The following CALN1 variants were observed in gnomAD, a reference collection of about 807,000 sequenced individuals.
CALN1 encodes the protein calneuron 1, also known as calcium-binding protein 8.
Under a neutral mutation model 30.6 loss-of-function variants are expected in CALN1, and 17 were observed. The observed-to-expected ratio is 0.56, with a 90% CI of 0.38 to 0.83. The LOEUF (loss-of-function observed/expected upper bound fraction) is 0.83. CALN1 is among the 40% of genes least tolerant of loss of function. The pLI is 0.00. For missense variants in CALN1, 291 were observed against 354.9 expected (o/e 0.82, Z 1.45); for synonymous variants, 156 against 131.4 (o/e 1.19, Z -1.28).
intron 5 of CALN1, among the ~76,000 whole-genome samples, chr7:71,814,407 G>A (rs1232662738): frequency 6.6e-6 from 1 of 152,146 alleles, no homozygotes; most frequent in African/African-American, 2.4e-5. Context: ...GCTTGAGTCT[G>A]GTGTTATAAC....
chr7:72,426,749 CT>C (rs1016269686), intron 1 of CALN1, among the ~76,000 whole-genome samples: 4 of 152,176 alleles, frequency 2.6e-5, no homozygotes, highest in Non-Finnish European at 5.9e-5. Flanking sequence ...GGAGTGGTCT[CT>C]TAGGAAGCAC....
chr7:72,392,843 AAATT>A (rs905411481), intron 2 of CALN1, among the ~76,000 whole-genome samples: 5 of 151,444 alleles, frequency 3.3e-5, no homozygotes, highest in African/African-American at 7.3e-5. Context: ...ATTAAAAAAA[AAATT>A]AATTAGCCAG....
intron 1 of CALN1, among the ~76,000 whole-genome samples, chr7:72,427,174 G>A (rs1807823683): frequency 6.6e-6 from 1 of 152,010 alleles, no homozygotes; most frequent in Admixed American, 6.6e-5. Context: ...TTGTAGAGAT[G>A]GGGCTTTGCC....
At chr7:72,201,263 T>C (rs1791394486) in intron 3 of CALN1, among the ~76,000 whole-genome samples, 2 of 152,160 alleles carry the variant, frequency 1.3e-5, no homozygotes, top group African/African-American at 2.4e-5. Flanking sequence ...CAAGAGATAC[T>C]GGAGACTACT....
rs187091942 is a variant in CALN1 at position 72,346,479 on chromosome 7, A to G, written c.119+56772T>C. Among the ~76,000 whole-genome samples the G allele has an allele frequency of 1.3e-4, 20 of 152,236 alleles. No homozygotes were observed. The East Asian group carries it at 3.9e-3, about 29-fold the overall frequency. The stretch of plus-strand genomic sequence containing the variant: ...ACATTCTGTCCTGATTCTCCCATAT[A>G]TAATTTTTAATTTGATCTCCATTCA... On this transcript the variant is annotated intron_variant, in intron 2 of 6. Coordinates refer to ENST00000395275, the MANE Select transcript of CALN1 (RefSeq NM_031468.4).
At chr7:72,159,354 A>C (rs2129544717) in intron 3 of CALN1, among the ~76,000 whole-genome samples, 1 of 152,296 alleles carries the variant, frequency 6.6e-6, no homozygotes, top group African/African-American at 2.4e-5. Flanking sequence ...TTTAAAAATT[A>C]GCCAGGCATG....
At chr7:71,924,774 T>C (rs944738338) in intron 5 of CALN1, among the ~76,000 whole-genome samples, 7 of 152,216 alleles carry the variant, frequency 4.6e-5, no homozygotes, top group Admixed American at 6.5e-5. Flanking sequence ...CTGATTTTTT[T>C]CTCTCCAATC....
chr7:72,158,843 T>C (rs1349075038), intron 3 of CALN1, among the ~76,000 whole-genome samples: 1 of 151,932 alleles, frequency 6.6e-6, no homozygotes, highest in Non-Finnish European at 1.5e-5. Flanking sequence ...TTATGTGAGA[T>C]TTATTTATTT....
intron 2 of CALN1, among the ~76,000 whole-genome samples, chr7:72,331,973 C>T (rs774321084): frequency 6.6e-6 from 1 of 152,144 alleles, no homozygotes; most frequent in African/African-American, 2.4e-5. Context: ...TCAGTTCCTG[C>T]GTTTGCCAAG....
intron 1 of CALN1, among the ~76,000 whole-genome samples, chr7:72,410,645 C>G (rs570865841): frequency 2.6e-5 from 4 of 152,270 alleles, no homozygotes; most frequent in African/African-American, 9.6e-5. Flanking sequence ...TTCGCATAAG[C>G]AAAACACCCT....
intron 3 of CALN1, among the ~76,000 whole-genome samples, chr7:72,221,998 G>C (rs543209147): frequency 6.6e-6 from 1 of 150,742 alleles, no homozygotes; most frequent in African/African-American, 2.4e-5. Context: ...GGCCAAGGCG[G>C]GCGGATCATT....
rs1431995783 is a variant in CALN1 at position 72,260,064 on chromosome 7, T to G, written c.244+18622A>C. Among the ~76,000 whole-genome samples the G allele has an allele frequency of 5.9e-5, 9 of 152,286 alleles. No homozygotes were observed. The East Asian group carries it at 1.7e-3, about 29-fold the overall frequency. On this transcript the variant is annotated intron_variant, in intron 3 of 6. Transcript: ENST00000395275. ...CTGGACAACATAGTGAGATACCATC[T>G]CTACAAAAAATGTAAAAATTAGCTG...
intron 2 of CALN1, among the ~76,000 whole-genome samples, chr7:72,371,570 C>T (rs890559802): frequency 1.3e-5 from 2 of 152,002 alleles, no homozygotes; most frequent in Non-Finnish European, 2.9e-5. Context: ...TGAGGCCTCC[C>T]CAGACATGTG....
At chr7:71,829,195 C>G (rs1481130373) in intron 5 of CALN1, among the ~76,000 whole-genome samples, 1 of 152,174 alleles carries the variant, frequency 6.6e-6, no homozygotes, top group Non-Finnish European at 1.5e-5. Flanking sequence ...TAACTGAGAC[C>G]TGTCTCAAAT....
chr7:72,422,219 G>A (rs1030123852), intron 1 of CALN1, among the ~76,000 whole-genome samples: 1 of 152,112 alleles, frequency 6.6e-6, no homozygotes, highest in African/African-American at 2.4e-5. Context: ...TTTCCATAGT[G>A]GCCGTACTAC....
chr7:71,933,633 T>G (rs1795677119), intron 5 of CALN1, among the ~76,000 whole-genome samples: 1 of 152,196 alleles, frequency 6.6e-6, no homozygotes, highest in Admixed American at 6.5e-5. Context: ...GCACTTTGTC[T>G]TACTCACCTC....
intron 5 of CALN1, among the ~76,000 whole-genome samples, chr7:71,861,179 G>A (rs1233945961): frequency 3.1e-5 from 2 of 65,342 alleles, no homozygotes; most frequent in Non-Finnish European, 6.0e-5. Context: ...GTGGTGTGGG[G>A]TGTGTGTGTG....
At chr7:72,449,613 C>T (rs1005884540), upstream of CALN1, among the ~76,000 whole-genome samples, 1 of 152,184 alleles carries the variant, frequency 6.6e-6, no homozygotes, top group African/African-American at 2.4e-5. Flanking sequence ...TGGCTCATGC[C>T]TGTAATCCCA....
chr7:72,360,435 T>G (rs1043605368), intron 2 of CALN1, among the ~76,000 whole-genome samples: 6 of 151,706 alleles, frequency 4.0e-5, no homozygotes, highest in Non-Finnish European at 7.4e-5. Context: ...TTTTTTTATT[T>G]AAAAAAATCA....
Sources: gnomAD v4.1 joint callset for allele counts (sites outside exome capture counted in the v4.1 genomes callset) on GRCh38, gnomAD v4.1.1 for gene constraint, MANE v1.5 for transcripts, NCBI Gene and HGNC (gene_info 2026-07-23, HGNC 2026-07-21) for gene names.